The following IKZF2 variants were observed in gnomAD, a reference collection of about 807,000 sequenced individuals.
The protein encoded by IKZF2 is IKAROS family zinc finger 2.
A neutral mutation model predicts 49.2 loss-of-function variants in IKZF2; 15 were observed. The ratio of observed to expected loss-of-function variants is 0.30; its 90% CI spans 0.20 to 0.47. The LOEUF is 0.47. IKZF2 is among the 20% of genes least tolerant of loss of function. The probability of loss-of-function intolerance (pLI) is 1.00; values close to 1 mark genes in which losing one functional copy is unlikely to be tolerated. For missense variants in IKZF2, 567 were observed against 664.6 expected (o/e 0.85, Z 1.61); for synonymous variants, 227 against 221.4 (o/e 1.03, Z -0.23).
rs1179210441 is a variant in IKZF2 at position 213,007,854 on chromosome 2, T to G, written c.1087A>C (p.Arg363=). The G allele has an allele frequency of 4.7e-5, 76 of 1,613,464 alleles. No homozygotes were observed. Among genetic ancestry groups the G allele is most frequent in the Non-Finnish European group, 5.8e-5 (68 of 1,179,738 alleles). Residue 363 remains arginine, a synonymous_variant, in exon 9 of 9, where the codon AGG becomes CGG. Coordinates refer to ENST00000434687, the MANE Select transcript of IKZF2 (RefSeq NM_001387220.1). ...TCCCTGCTAATGGGTCTTTCTATCC[T>G]ATTTGGATGATAGACCTGAGAATAA... The part of the protein sequence containing the change: ...SAYSQVYHPN[R]IERPISRETA...
In IKZF2 at chr2:213,078,301, C is replaced by G. The variant is rs1703508912; in HGVS notation, c.140-21202G>C. On this transcript the variant is annotated intron_variant, in intron 4 of 8. Coordinates refer to ENST00000434687, the MANE Select transcript of IKZF2 (RefSeq NM_001387220.1). ...TTAACAAAGGTTTTTCTTCCCTTTT[C>G]TTAACATTAAATTAGTTCTCAATTC... Among the ~76,000 whole-genome samples, 3 of 152,242 alleles carry G rather than the reference C, an allele frequency of 2.0e-5. No individual in the cohort carries two copies. In the South Asian group the frequency reaches 6.2e-4, roughly 32 times the overall value.
At chr2:213,014,181 G>A (rs1352971715) in intron 7 of IKZF2, 1 of 266,718 alleles carries the variant, frequency 3.7e-6, no homozygotes, top group Non-Finnish European at 7.1e-6. Context: ...GCCACTATTG[G>A]TGGCAAACTT....
chr2:213,151,705 G>T (rs1449293727), upstream of IKZF2: 1 of 147,818 alleles, frequency 6.8e-6, no homozygotes, highest in Non-Finnish European at 1.5e-5. Context: ...CCCGCGGGCG[G>T]AGGGCGGGCT....
intron 6 of IKZF2, among the ~76,000 whole-genome samples, chr2:213,048,283 G>T (rs1056827647): frequency 1.3e-5 from 2 of 152,056 alleles, no homozygotes; most frequent in African/African-American, 4.8e-5. Context: ...TATGAAGACA[G>T]ATAACATAAT....
At chr2:213,143,188 T>C (rs1395735008) in intron 4 of IKZF2, among the ~76,000 whole-genome samples, 1 of 151,898 alleles carries the variant, frequency 6.6e-6, no homozygotes, top group African/African-American at 2.4e-5. Context: ...GAGATGAAAA[T>C]TCATTATGGC....
intron 4 of IKZF2, among the ~76,000 whole-genome samples, chr2:213,057,487 T>A (rs1353381312): frequency 6.6e-6 from 1 of 152,146 alleles, no homozygotes; most frequent in Non-Finnish European, 1.5e-5. Flanking sequence ...CACTGAACTA[T>A]GCCTCCTCTT....
At chr2:213,144,908 A>G (rs1279433413) in intron 4 of IKZF2, among the ~76,000 whole-genome samples, 1 of 151,946 alleles carries the variant, frequency 6.6e-6, no homozygotes, top group Non-Finnish European at 1.5e-5. Flanking sequence ...AAAAACTGTC[A>G]GGCATTATAA....
At chr2:213,049,634 G>T in intron 6 of IKZF2, 79 bp downstream of exon 6, 4 of 1,083,648 alleles carry the variant, frequency 3.7e-6, no homozygotes, top group Non-Finnish European at 5.1e-6. Context: ...ACATAACAAA[G>T]CCATGTTACT....
intron 7 of IKZF2, among the ~76,000 whole-genome samples, chr2:213,020,299 T>C (rs1697066716): frequency 6.6e-6 from 1 of 152,210 alleles, no homozygotes; most frequent in African/African-American, 2.4e-5. Flanking sequence ...TTATAGGGAA[T>C]AGCACATTTA....
intron 4 of IKZF2, among the ~76,000 whole-genome samples, chr2:213,080,478 G>A (rs1240360373): frequency 6.6e-6 from 1 of 152,090 alleles, no homozygotes; most frequent in Admixed American, 6.6e-5. Flanking sequence ...TTATGAAACT[G>A]CAACTATTAT....
chr2:213,097,313 T>C (rs1207587295), intron 4 of IKZF2, among the ~76,000 whole-genome samples: 1 of 151,920 alleles, frequency 6.6e-6, no homozygotes, highest in Non-Finnish European at 1.5e-5. Context: ...ATCTAAAGAA[T>C]TAAACTTCTA....
Position 213,007,264 on chromosome 2 carries a change from G to A in IKZF2, c.*96C>T, listed in dbSNP as rs1429751476. 15 of 1,296,168 alleles carry A rather than the reference G, an allele frequency of 1.2e-5. No homozygotes were observed. The highest frequency in any genetic ancestry group is 7.4e-6 in the Non-Finnish European group (7 of 939,774). 80.3% of individuals were successfully genotyped at this position (1,296,168 alleles called of 1,614,324 possible). On this transcript the variant is annotated 3_prime_UTR_variant, in exon 9 of 9. Transcript: ENST00000434687. ...GTAATAATATTAAAAAAAATAAAAG[G>A]TATGTCAACATTTGAGGAAAGGTGG...
intron 4 of IKZF2, among the ~76,000 whole-genome samples, chr2:213,127,667 A>G (rs1488986989): frequency 6.6e-6 from 1 of 152,236 alleles, no homozygotes; most frequent in Non-Finnish European, 1.5e-5. Flanking sequence ...TAGTCCTAGC[A>G]TAAAGACAGC....
rs370714286 is a variant in IKZF2, at chr2:213,107,857, AC to A, written c.139+39850del. On this transcript the variant is annotated intron_variant, in intron 4 of 8. Transcript: ENST00000434687. ...TGCATGCTGAATTCGAAATCAAAAG[AC>A]CTGAAGTTTACCTGTGTTCTAACTG... Among the ~76,000 whole-genome samples the A allele has an allele frequency of 3.2e-3, 483 of 152,262 alleles. 4 individuals carry two copies. The highest frequency in any genetic ancestry group is 0.011 in the African/African-American group (448 of 41,556).
In IKZF2 at chr2:213,008,048, T is replaced by C; in HGVS notation, c.893A>G (p.His298Arg). The C allele has an allele frequency of 1.2e-6, 2 of 1,609,194 alleles. No homozygotes were observed. Among genetic ancestry groups the C allele is most frequent in the Non-Finnish European group, 1.7e-6 (2 of 1,178,034 alleles). ...CTCATATGTTAAGTTCATATCAAAG[T>C]GAATATCTGGGTAGCTGAATCGCAT... ...KLMRFSYPDIHFDMNLTYEKE... is the reference protein window; with the variant it reads ...KLMRFSYPDIRFDMNLTYEKE... Residue 298 changes from histidine to arginine, a missense_variant, in exon 9 of 9, where the codon CAC becomes CGC. His to Arg is a conservative substitution (Grantham distance 29, BLOSUM62 0). This residue lies in a region of IKZF2 where 310 missense variants were observed against 326.9 expected (regional missense o/e 0.95). Coordinates refer to ENST00000434687, the MANE Select transcript of IKZF2 (RefSeq NM_001387220.1).
Position 213,007,997 on chromosome 2 carries a change from T to C in IKZF2, c.944A>G (p.His315Arg), listed in dbSNP as rs773660640. Residue 315 changes from histidine to arginine, a missense_variant, in exon 9 of 9, where the codon CAT becomes CGT. By Grantham distance (29) the His-to-Arg change is conservative (BLOSUM62 0). Around this residue, in one of 5 missense-constraint regions of IKZF2, gnomAD observed 310 missense variants for 326.9 expected, o/e 0.95. Coordinates refer to ENST00000434687, the MANE Select transcript of IKZF2 (RefSeq NM_001387220.1). ...ATTGTTGATGGCTTGGTCCATCATA[T>C]GAGACTGCATCAGCTCAGCCTCCTT... ...YEKEAELMQS[H>R]MMDQAINNAI... 9 of 1,613,290 alleles carry C rather than the reference T, an allele frequency of 5.6e-6. No individual in the cohort carries two copies. In the East Asian group the frequency reaches 2.0e-4, roughly 36 times the overall value.
At chr2:213,113,434 A>G (rs949187805) in intron 4 of IKZF2, among the ~76,000 whole-genome samples, 2 of 152,126 alleles carry the variant, frequency 1.3e-5, no homozygotes, top group African/African-American at 4.8e-5. Flanking sequence ...TTCAAAGTTA[A>G]CTTTAGAGCC....
At chr2:213,128,525 A>G (rs1394485233) in intron 4 of IKZF2, among the ~76,000 whole-genome samples, 1 of 152,182 alleles carries the variant, frequency 6.6e-6, no homozygotes, top group South Asian at 2.1e-4. Flanking sequence ...TATGAAAATC[A>G]GTACTCTTAA....
intron 2 of IKZF2, among the ~76,000 whole-genome samples, chr2:213,148,994 A>G (rs1423537637): frequency 6.6e-6 from 1 of 152,338 alleles, no homozygotes; most frequent in Non-Finnish European, 1.5e-5. Flanking sequence ...ACCATTCACT[A>G]CTTCCCACAA....
Sources: gnomAD v4.1 joint callset for allele counts (sites outside exome capture counted in the v4.1 genomes callset) on GRCh38, gnomAD v4.1.1 for gene constraint, gnomAD v4.1.1 regional missense constraint, MANE v1.5 for transcripts, NCBI Gene and HGNC (gene_info 2026-07-23, HGNC 2026-07-21) for gene names.